The following PRKCH variants were observed in gnomAD, a reference collection of about 807,000 sequenced individuals.
PRKCH encodes protein kinase C eta.
In PRKCH, 28 loss-of-function variants were observed where a neutral mutation model predicts 82.5. That is an observed-to-expected ratio of 0.34 (90% CI 0.25 to 0.47). PRKCH has a LOEUF of 0.47. Ranked by LOEUF, PRKCH falls within the 20% of genes least tolerant of loss-of-function variation. The pLI is 1.00. For missense variants in PRKCH, 705 were observed against 881.8 expected, an observed-to-expected ratio of 0.80 and a Z score of 2.54; for synonymous variants, 322 against 327.4, an observed-to-expected ratio of 0.98 and a Z score of 0.18.
chr14:61,505,942 C>T (rs752660707), intron 10 of PRKCH, among the ~76,000 whole-genome samples: 5 of 152,052 alleles, frequency 3.3e-5, no homozygotes, highest in Non-Finnish European at 4.4e-5. Flanking sequence ...CCTAAAGCTC[C>T]GTTAAGAAAG....
At chr14:61,226,160 A>G (rs1055110457) in intron 1 of PRKCH, among the ~76,000 whole-genome samples, 1 of 152,170 alleles carries the variant, frequency 6.6e-6, no homozygotes, top group Non-Finnish European at 1.5e-5. Flanking sequence ...TTAAATTCTC[A>G]GTACTCACTC....
intron 10 of PRKCH, among the ~76,000 whole-genome samples, chr14:61,487,831 A>G (rs887840323): frequency 2.5e-3 from 1 of 402 alleles, no homozygotes; most frequent in African/African-American, 2.8e-3. Context: ...CTATCTCTAC[A>G]AAAAAAAAAA....
At chr14:61,390,690 G>A (rs1219273514) in intron 1 of PRKCH, 1 of 152,752 alleles carries the variant, frequency 6.5e-6, no homozygotes, top group Non-Finnish European at 1.5e-5. Context: ...AAAAAGAGTA[G>A]TGAATGCAAG....
chr14:61,502,534 G>A (rs1266078622), intron 10 of PRKCH, among the ~76,000 whole-genome samples: 1 of 152,102 alleles, frequency 6.6e-6, no homozygotes, highest in African/African-American at 2.4e-5. Flanking sequence ...ACTGCTCCAG[G>A]TAGAGCAGTT....
rs1227351150 is a variant in PRKCH, at chr14:61,288,370, C to T, written c.-19+100702C>T. Among the ~76,000 whole-genome samples the T allele has an allele frequency of 3.3e-5, 5 of 152,182 alleles. No individual in the cohort carries two copies. In the South Asian group the frequency reaches 1.0e-3, roughly 32 times the overall value. On this transcript the variant is annotated intron_variant, in intron 1 of 3. Transcript: ENST00000555185. ...TCAGCCTCTCAAAGTGCTGGGATTA[C>T]AGGCATGAGCTGTGGTGACAAGCCT...
At chr14:61,351,696 A>G (rs778370552) in intron 1 of PRKCH, among the ~76,000 whole-genome samples, 16 of 152,078 alleles carry the variant, frequency 1.1e-4, no homozygotes, top group Non-Finnish European at 2.1e-4. Flanking sequence ...CTTCAATTGT[A>G]GGTTTAGCTC....
chr14:61,408,514 A>G (rs750302708), intron 2 of PRKCH, among the ~76,000 whole-genome samples: 1 of 152,126 alleles, frequency 6.6e-6, no homozygotes, highest in Admixed American at 6.5e-5. Flanking sequence ...TTTGGATCAG[A>G]TGGACTTGGT....
At chr14:61,462,961 G>A (rs1885095808) in intron 9 of PRKCH, 1 of 152,312 alleles carries the variant, frequency 6.6e-6, no homozygotes, top group African/African-American at 2.4e-5. Context: ...TCCATATGTT[G>A]TCTTATTCCG....
In PRKCH at chr14:61,263,585, C is replaced by A. The variant is rs139907685; in HGVS notation, c.-19+75917C>A. ...AATATACTACACTGCCTTCTCAATT[C>A]TATTGCCAATTATCTATAGCCATAT... On this transcript the variant is annotated intron_variant, in intron 1 of 3. Coordinates refer to the PRKCH transcript ENST00000555185. Among the ~76,000 whole-genome samples the A allele has an allele frequency of 4.6e-5, 7 of 152,264 alleles. No individual in the cohort carries two copies. The East Asian group carries it at 1.4e-3, about 29-fold the overall frequency.
At chr14:61,326,719 C>T (rs943979883) in intron 1 of PRKCH, among the ~76,000 whole-genome samples, 3 of 152,140 alleles carry the variant, frequency 2.0e-5, no homozygotes, top group Admixed American at 1.3e-4. Context: ...AACTACATTT[C>T]CTCTTTAGTG....
At chr14:61,295,548 G>C (rs1469471222) in intron 1 of PRKCH, among the ~76,000 whole-genome samples, 1 of 152,204 alleles carries the variant, frequency 6.6e-6, no homozygotes, top group East Asian at 1.9e-4. Context: ...CGGCAACGTG[G>C]AATAGTAACA....
At chr14:61,385,378 G>A (rs1361311608) in intron 1 of PRKCH, among the ~76,000 whole-genome samples, 2 of 151,742 alleles carry the variant, frequency 1.3e-5, no homozygotes, top group East Asian at 3.8e-4. Context: ...AAAAAAAAAT[G>A]AAGCACTTAG....
At chr14:61,416,026 T>C (rs188200242) in intron 2 of PRKCH, among the ~76,000 whole-genome samples, 88 of 150,736 alleles carry the variant, frequency 5.8e-4, no homozygotes, top group African/African-American at 2.0e-3. Context: ...TCCCCTCCCT[T>C]GCCTCTTTTT....
At chr14:61,235,130 C>G (rs1226795204) in intron 1 of PRKCH, among the ~76,000 whole-genome samples, 1 of 152,174 alleles carries the variant, frequency 6.6e-6, no homozygotes, top group South Asian at 2.1e-4. Flanking sequence ...CATTGAGATG[C>G]CTACCTTAAG....
Position 61,457,186 on chromosome 14 carries a change from C to T in PRKCH, c.971C>T (p.Ser324Phe), listed in dbSNP as rs1254934146. The T allele has an allele frequency of 1.9e-6, 3 of 1,614,028 alleles. No homozygotes were observed. The highest frequency in any genetic ancestry group is 2.5e-6 in the Non-Finnish European group (3 of 1,179,962). Reference sequence around the variant, plus strand: ...TTCTTACTCTTTCAGAAACTCGTTTCCAGATCGACCCTAAGACGACAGGGA... The same window carrying T: ...TTCTTACTCTTTCAGAAACTCGTTTTCAGATCGACCCTAAGACGACAGGGA... ...GNISPTSKLV[S>F]RSTLRRQGKE... Residue 324 changes from serine (S) to phenylalanine (F), a missense_variant, in exon 8 of 14, where the codon TCC becomes TTC. Ser to Phe is a radical substitution (Grantham distance 155). Coordinates refer to ENST00000332981, the MANE Select transcript of PRKCH (RefSeq NM_006255.5).
At chr14:61,329,254 T>TTTTTTTGG (rs1555375988) in intron 1 of PRKCH, among the ~76,000 whole-genome samples, 1 of 122,516 alleles carries the variant, frequency 8.2e-6, no homozygotes, top group African/African-American at 3.2e-5. Flanking sequence ...TTTTTTTTTT[T>TTTTTTTGG]GAGACAGAAT....
rs569413341 is a variant in PRKCH, at chr14:61,285,018, G to A, written c.-19+97350G>A. 2.0e-4 allele frequency among the ~76,000 whole-genome samples: 30 copies of A among 152,220 alleles called. 1 individual carries two copies. The South Asian group carries it at 4.6e-3, about 23-fold the overall frequency. On this transcript the variant is annotated intron_variant, in intron 1 of 3. Transcript: ENST00000555185. Reference sequence around the variant, plus strand: ...ATCATATTTAACTATTGTTGGACATGTAGGTTATATCCAGTTTTTCAGTAT... The same window carrying A: ...ATCATATTTAACTATTGTTGGACATATAGGTTATATCCAGTTTTTCAGTAT...
intron 1 of PRKCH, among the ~76,000 whole-genome samples, chr14:61,376,889 T>C (rs1345572466): frequency 1.3e-5 from 2 of 152,268 alleles, no homozygotes; most frequent in African/African-American, 4.8e-5. Context: ...TTAAACCATG[T>C]ATTCCTTGCA....
chr14:61,353,927 A>AC (rs2046114238), intron 1 of PRKCH: 1 of 152,164 alleles, frequency 6.6e-6, no homozygotes, highest in Admixed American at 6.5e-5. Flanking sequence ...ACAGAGTGAG[A>AC]CCCTACCTCT....
Sources: allele counts gnomAD v4.1 joint callset (sites outside exome capture counted in the v4.1 genomes callset), GRCh38; gene constraint gnomAD v4.1.1; transcripts MANE v1.5; gene names NCBI Gene and HGNC (gene_info 2026-07-23, HGNC 2026-07-21).